Variants in COG2 observed in about 807,000 individuals in gnomAD.
The protein encoded by COG2 is conserved oligomeric Golgi complex subunit 2.
COG2 carries 52 observed loss-of-function variants against 90.6 expected under a neutral mutation model. The observed-to-expected ratio is 0.57, with a 90% CI of 0.46 to 0.72. The LOEUF (loss-of-function observed/expected upper bound fraction) is 0.72, where lower values mean the gene tolerates loss of function less well. COG2 is among the 30% of genes least tolerant of loss of function. The probability of loss-of-function intolerance (pLI) is 0.00; values close to 1 mark genes in which losing one functional copy is unlikely to be tolerated. For synonymous variants in COG2, 337 were observed against 320.4 expected (o/e 1.05, Z -0.55); for missense variants, 829 against 891.2 (o/e 0.93, Z 0.89).
chr1:230,673,521 T>C (rs1662508250), intron 8 of COG2, among the ~76,000 whole-genome samples: 1 of 152,218 alleles, frequency 6.6e-6, no homozygotes, highest in African/African-American at 2.4e-5. Context: ...TCTTGCAGGT[T>C]TTACATTCTC....
Position 230,669,499 on chromosome 1 carries a change from A to C in COG2, c.738A>C (p.Leu246Phe), listed in dbSNP as rs753032841. The change falls in exon 7 of 18, where the codon TTA becomes TTC. Residue 246 changes from leucine (L) to phenylalanine (F), a missense_variant. By Grantham distance (22) the Leu-to-Phe change is conservative. Coordinates refer to ENST00000366669, the MANE Select transcript of COG2 (RefSeq NM_007357.3). ...TIDKTRDAEA[L>F]VGQVLVKPYI... ...ACAAGACACGGGACGCGGAGGCCTT[A>C]GTTGGCCAAGTACTAGTGAAACCAT... 6.2e-7 allele frequency: 1 copy of C among 1,614,006 alleles called. No homozygotes were observed. Among genetic ancestry groups the C allele is most frequent in the Non-Finnish European group, 8.5e-7 (1 of 1,179,934 alleles).
At chr1:230,655,662 C>T (rs1662029082) in intron 1 of COG2, among the ~76,000 whole-genome samples, 1 of 152,168 alleles carries the variant, frequency 6.6e-6, no homozygotes, top group Non-Finnish European at 1.5e-5. Flanking sequence ...GGAATAGTTT[C>T]AGAAGGAATG....
At chr1:230,662,142 A>C (rs1662195925) in intron 3 of COG2, among the ~76,000 whole-genome samples, 1 of 151,990 alleles carries the variant, frequency 6.6e-6, no homozygotes, top group African/African-American at 2.4e-5. Context: ...TGCAGGCTCT[A>C]GTCTTTTCCT....
chr1:230,692,009 T>C (rs889259162), intron 17 of COG2, among the ~76,000 whole-genome samples: 13 of 152,132 alleles, frequency 8.5e-5, no homozygotes, highest in Admixed American at 7.2e-4. Flanking sequence ...TTTGTAGCTT[T>C]CCTATAAAAC....
chr1:230,658,710 C>G (rs1053285937), intron 1 of COG2, among the ~76,000 whole-genome samples: 1 of 152,144 alleles, frequency 6.6e-6, no homozygotes, highest in Admixed American at 6.5e-5. Flanking sequence ...TCTATAAGAC[C>G]CTGACTGGGG....
intron 1 of COG2, among the ~76,000 whole-genome samples, chr1:230,658,837 A>G (rs1662121061): frequency 1.3e-5 from 2 of 152,220 alleles, no homozygotes; most frequent in South Asian, 4.1e-4. Flanking sequence ...CTTGTTCAAT[A>G]GAATACTCAA....
At chr1:230,658,202 G>A (rs1481644464) in intron 1 of COG2, among the ~76,000 whole-genome samples, 1 of 152,142 alleles carries the variant, frequency 6.6e-6, no homozygotes, top group Non-Finnish European at 1.5e-5. Flanking sequence ...CATCTTTGTG[G>A]ATTAATCTAC....
intron 10 of COG2, 142 bp downstream of exon 10, chr1:230,679,194 A>G (rs140603331): frequency 4.2e-4 from 327 of 770,482 alleles, no homozygotes; most frequent in Non-Finnish European, 5.6e-4. Flanking sequence ...AAGTGGAGAA[A>G]GAGATATAAG....
intron 17 of COG2, among the ~76,000 whole-genome samples, chr1:230,692,757 T>C (rs1663065246): frequency 6.7e-6 from 1 of 149,860 alleles, no homozygotes; most frequent in South Asian, 2.2e-4. Context: ...TGTGTGTGTG[T>C]GCGTGTATGG....
At chr1:230,668,517 G>A (rs1259258008) in intron 5 of COG2, among the ~76,000 whole-genome samples, 159 bp from the exon 6 acceptor site, 1 of 152,154 alleles carries the variant, frequency 6.6e-6, no homozygotes, top group Non-Finnish European at 1.5e-5. Flanking sequence ...CACAAAAGAC[G>A]CTTTAGCTTT....
chr1:230,667,087 A>G (rs1662338880), intron 5 of COG2, among the ~76,000 whole-genome samples: 1 of 152,154 alleles, frequency 6.6e-6, no homozygotes, highest in South Asian at 2.1e-4. Context: ...CCCCTAGACA[A>G]CTTAACGGTG....
chr1:230,678,400 A>C, intron 9 of COG2: 1 of 985,420 alleles, frequency 1.0e-6, no homozygotes, highest in Non-Finnish European at 1.2e-6. Context: ...GTCGATGATA[A>C]ATGCTACGAG....
chr1:230,688,443 T>C lies in COG2; in HGVS notation c.1675T>C (p.Ser559Pro), dbSNP rs1056305936. The C allele has an allele frequency of 1.2e-6, 2 of 1,614,058 alleles. No homozygotes were observed. Among genetic ancestry groups the C allele is most frequent in the Non-Finnish European group, 1.7e-6 (2 of 1,179,988 alleles). Residue 559 changes from serine to proline, a missense_variant, in exon 15 of 18, where the codon TCT becomes CCT. By Grantham distance (74) the Ser-to-Pro change is moderately conservative. Coordinates refer to ENST00000366669, the MANE Select transcript of COG2 (RefSeq NM_007357.3). ...ISAALEDSQS[S>P]FSACVPSLSS... ...AGCAGCCCTGGAGGACTCCCAGAGC[T>C]CTTTTTCAGCCTGTGTGCCCTCCTT...
Position 230,642,692 on chromosome 1 carries a change from C to G in COG2, c.72+14C>G. ...GAGTTCATGAAGGTGCGCGCGGCGT[C>G]CGCTCCCCGGAGCCGGGCCATGAGG... On this transcript the variant is annotated intron_variant, in intron 1 of 17. Coordinates refer to ENST00000366669, the MANE Select transcript of COG2 (RefSeq NM_007357.3). 1 of 1,609,942 alleles carries G rather than the reference C, an allele frequency of 6.2e-7. No individual in the cohort carries two copies. The highest frequency in any genetic ancestry group is 8.5e-7 in the Non-Finnish European group (1 of 1,178,392).
intron 8 of COG2, among the ~76,000 whole-genome samples, chr1:230,674,358 T>G (rs1473209280): frequency 1.3e-5 from 2 of 152,244 alleles, no homozygotes; most frequent in African/African-American, 2.4e-5. Context: ...GCATGCTTTC[T>G]GTCAGTGCTG....
intron 1 of COG2, among the ~76,000 whole-genome samples, chr1:230,646,693 G>T (rs924823616): frequency 6.3e-5 from 9 of 143,374 alleles, no homozygotes; most frequent in Admixed American, 5.8e-4. Context: ...AATTTGTTGG[G>T]GGAAGATGAA....
At chr1:230,659,711 G>C in intron 2 of COG2, 86 bp downstream of exon 2, 1 of 1,398,184 alleles carries the variant, frequency 7.2e-7, no homozygotes, top group Non-Finnish European at 9.7e-7. Flanking sequence ...TGTGTTTTTA[G>C]AAACCTTTTA....
chr1:230,676,480 A>G (rs1391517178), intron 9 of COG2, among the ~76,000 whole-genome samples: 1 of 152,186 alleles, frequency 6.6e-6, no homozygotes, highest in East Asian at 1.9e-4. Flanking sequence ...ACACATTAAC[A>G]CCAACCATCC....
chr1:230,685,061 GTGT>G (rs780817167), intron 11 of COG2, 21 bp from the exon 12 acceptor site: 439 of 1,612,632 alleles, frequency 2.7e-4, no homozygotes, highest in South Asian at 4.6e-4. Flanking sequence ...CCTTAAATGT[GTGT>G]TGTTGTTGTT....
Sources: allele counts gnomAD v4.1 joint callset (sites outside exome capture counted in the v4.1 genomes callset), GRCh38; gene constraint gnomAD v4.1.1; transcripts MANE v1.5; gene names NCBI Gene and HGNC (gene_info 2026-07-23, HGNC 2026-07-21).